Variants in MTUS2 observed in about 807,000 individuals in gnomAD.
MTUS2 encodes the protein microtubule-associated tumor suppressor candidate 2.
A neutral mutation model predicts 114.1 loss-of-function variants in MTUS2; 40 were observed. That is an observed-to-expected ratio of 0.35 (90% CI 0.27 to 0.46). MTUS2 has a LOEUF of 0.46. Ranked by LOEUF, MTUS2 falls within the 20% of genes least tolerant of loss-of-function variation. The pLI, the probability that MTUS2 is intolerant of heterozygous loss-of-function variation, is 1.00. For missense variants in MTUS2, 1,679 were observed against 1,705.4 expected, an observed-to-expected ratio of 0.98 and a Z score of 0.27; for synonymous variants, 688 against 672.0, an observed-to-expected ratio of 1.02 and a Z score of -0.37.
intron 2 of MTUS2, among the ~76,000 whole-genome samples, chr13:28,898,094 G>A (rs1593281134): frequency 6.6e-6 from 1 of 152,004 alleles, no homozygotes; most frequent in Admixed American, 6.6e-5. Flanking sequence ...CTGGGGAGTG[G>A]GCAGTATAAG....
intron 5 of MTUS2, among the ~76,000 whole-genome samples, chr13:29,129,207 T>TC (rs1287363040): frequency 8.3e-6 from 1 of 120,844 alleles, no homozygotes; most frequent in Non-Finnish European, 1.8e-5. Flanking sequence ...TTTTTTTTTT[T>TC]CCCCATCCGG....
intron 8 of MTUS2, among the ~76,000 whole-genome samples, chr13:29,390,666 G>T (rs867935345): frequency 7.2e-6 from 1 of 137,980 alleles, no homozygotes; most frequent in Admixed American, 6.9e-5. Flanking sequence ...AAAAAAAAAA[G>T]AAAGAAAGAA....
At chr13:29,004,061 G>A (rs79574134) in intron 2 of MTUS2, among the ~76,000 whole-genome samples, 3 of 152,232 alleles carry the variant, frequency 2.0e-5, no homozygotes, top group East Asian at 3.9e-4. Context: ...CCTCCACCAG[G>A]ACTGACCACA....
chr13:29,126,721 A>C (rs1207087858), intron 5 of MTUS2, among the ~76,000 whole-genome samples: 1 of 152,042 alleles, frequency 6.6e-6, no homozygotes. Flanking sequence ...GGCCCAGGGA[A>C]GCTACATATT....
rs577326815 is a variant in MTUS2 at position 29,053,034 on chromosome 13, C to T, written c.2446+18909C>T. On this transcript the variant is annotated intron_variant, in intron 4 of 15. Transcript: ENST00000612955. ...TTGTAAGTTTCCTGGCCTCCCCAGCCGTGCAGAACTGTGAGTCAATTAAAC... is the reference window on the plus strand; with the variant it reads ...TTGTAAGTTTCCTGGCCTCCCCAGCTGTGCAGAACTGTGAGTCAATTAAAC... 9.2e-5 allele frequency among the ~76,000 whole-genome samples: 14 copies of T among 152,264 alleles called. No homozygotes were observed. The South Asian group carries it at 1.9e-3, about 20-fold the overall frequency.
At chr13:29,390,612 A>G (rs866038679) in intron 8 of MTUS2, among the ~76,000 whole-genome samples, 13 of 150,640 alleles carry the variant, frequency 8.6e-5, no homozygotes, top group Middle Eastern at 6.8e-3. Flanking sequence ...AGATGGCATC[A>G]CTGCACTCCA....
At chr13:29,036,716 G>A (rs1271017905) in intron 4 of MTUS2, among the ~76,000 whole-genome samples, 1 of 152,148 alleles carries the variant, frequency 6.6e-6, no homozygotes. Context: ...ATATATTTAG[G>A]ATAGTTAGCT....
chr13:29,098,926 T>C (rs1025109741), intron 4 of MTUS2, among the ~76,000 whole-genome samples: 4 of 152,236 alleles, frequency 2.6e-5, no homozygotes, highest in African/African-American at 9.6e-5. Flanking sequence ...AAGGAGGTGA[T>C]AGATAACTTA....
chr13:29,334,231 A>T (rs2138075121), intron 7 of MTUS2, among the ~76,000 whole-genome samples: 1 of 152,196 alleles, frequency 6.6e-6, no homozygotes, highest in Non-Finnish European at 1.5e-5. Flanking sequence ...ATTATGTGTG[A>T]ATTTGATCCT....
chr13:28,820,996 T>G (rs1446023821), intron 1 of MTUS2, among the ~76,000 whole-genome samples: 3 of 152,074 alleles, frequency 2.0e-5, no homozygotes, highest in African/African-American at 7.3e-5. Flanking sequence ...TGAAGCGGCT[T>G]GCTACATCCA....
chr13:29,228,208 G>A (rs1302951833), intron 5 of MTUS2, among the ~76,000 whole-genome samples: 2 of 152,208 alleles, frequency 1.3e-5, no homozygotes, highest in African/African-American at 4.8e-5. Flanking sequence ...GATAAATTGT[G>A]GAGCCTCCAT....
At chr13:28,998,944 C>T (rs1225026618) in intron 2 of MTUS2, among the ~76,000 whole-genome samples, 1 of 152,168 alleles carries the variant, frequency 6.6e-6, no homozygotes, top group Non-Finnish European at 1.5e-5. Context: ...GAGCTGCGTT[C>T]CTTTGGAGGA....
chr13:29,367,165 G>A (rs2138275226), intron 8 of MTUS2, among the ~76,000 whole-genome samples: 1 of 152,220 alleles, frequency 6.6e-6, no homozygotes, highest in African/African-American at 2.4e-5. Flanking sequence ...CTGTCAAGCA[G>A]GCAGGGTACC....
chr13:29,428,637 G>A (rs1431316330), intron 8 of MTUS2: 1 of 362,404 alleles, frequency 2.8e-6, no homozygotes, highest in Non-Finnish European at 3.5e-6. Context: ...AGATCTGATC[G>A]CTGCTGCCCT....
intron 2 of MTUS2, among the ~76,000 whole-genome samples, chr13:28,936,699 A>G (rs965893369): frequency 1.3e-5 from 2 of 152,100 alleles, no homozygotes; most frequent in African/African-American, 4.8e-5. Context: ...CTCATCAGGC[A>G]TTTCCGGTGT....
intron 8 of MTUS2, among the ~76,000 whole-genome samples, chr13:29,376,540 G>T (rs1593369711): frequency 6.6e-6 from 1 of 151,966 alleles, no homozygotes; most frequent in African/African-American, 2.4e-5. Context: ...TAAAATGGTA[G>T]GTCTGAGTTC....
At chr13:29,289,253 T>G (rs1437546531) in intron 6 of MTUS2, among the ~76,000 whole-genome samples, 1 of 152,082 alleles carries the variant, frequency 6.6e-6, no homozygotes, top group Non-Finnish European at 1.5e-5. Context: ...ATGGATGGGA[T>G]GGTAAAGATG....
chr13:29,386,782 A>G (rs1224729486), intron 8 of MTUS2, among the ~76,000 whole-genome samples: 4 of 152,170 alleles, frequency 2.6e-5, no homozygotes, highest in African/African-American at 9.7e-5. Flanking sequence ...CATTCTAAAT[A>G]GCAGAGATTT....
At chr13:29,459,235 G>A (rs867868451) in intron 9 of MTUS2, among the ~76,000 whole-genome samples, 4 of 152,128 alleles carry the variant, frequency 2.6e-5, no homozygotes, top group South Asian at 4.2e-4. Context: ...TGAGGACGGC[G>A]GGGGTATTTA....
Sources: gnomAD v4.1 joint callset for allele counts (sites outside exome capture counted in the v4.1 genomes callset) on GRCh38, gnomAD v4.1.1 for gene constraint, MANE v1.5 for transcripts, NCBI Gene and HGNC (gene_info 2026-07-23, HGNC 2026-07-21) for gene names.